Variants in SPOP observed in about 807,000 individuals in gnomAD.
The protein encoded by SPOP is speckle-type POZ protein.
Under a neutral mutation model 45.6 loss-of-function variants are expected in SPOP, and 11 were observed. That is an observed-to-expected ratio of 0.24 (90% CI 0.15 to 0.40). The LOEUF is 0.40. SPOP is among the 10% of genes least tolerant of loss of function. SPOP has a pLI of 1.00. For synonymous variants in SPOP, 166 were observed against 166.3 expected (o/e 1.00, Z 0.01); for missense variants, 152 against 465.6 (o/e 0.33, Z 6.20).
intron 1 of SPOP, among the ~76,000 whole-genome samples, chr17:49,663,489 T>C (rs1343902143): frequency 6.6e-6 from 1 of 152,240 alleles, no homozygotes; most frequent in Non-Finnish European, 1.5e-5. Context: ...ATCACACAGG[T>C]GACTTTAAAA....
chr17:49,608,953 G>C (rs571277095), intron 6 of SPOP, among the ~76,000 whole-genome samples: 1 of 151,332 alleles, frequency 6.6e-6, no homozygotes, highest in East Asian at 1.9e-4. Context: ...GCCTAGGCTA[G>C]AGTGGAGTGC....
intron 1 of SPOP, among the ~76,000 whole-genome samples, chr17:49,665,337 C>T (rs778450280): frequency 1.4e-4 from 22 of 151,918 alleles, no homozygotes; most frequent in East Asian, 3.9e-4. Flanking sequence ...ATTTGGGGCC[C>T]GGCGCAGTGG....
At chr17:49,654,116 T>C (rs1474038244) in intron 1 of SPOP, among the ~76,000 whole-genome samples, 1 of 152,200 alleles carries the variant, frequency 6.6e-6, no homozygotes, top group Non-Finnish European at 1.5e-5. Flanking sequence ...TGAAAGTGAA[T>C]TTAGTTCTTT....
rs149505298 is a variant in SPOP, at chr17:49,628,077, C to A, written c.-66-5201G>T. Among the ~76,000 whole-genome samples the A allele has an allele frequency of 9.7e-3, 1,481 of 152,314 alleles. 14 individuals are homozygous for A. Among genetic ancestry groups the A allele is most frequent in the African/African-American group, 0.014 (574 of 41,570 alleles). ...GAAAAAAATTTTAGAAAAGAGGAGACCTACCTGAGGGTTAGAGTTCGAGAA... is the reference window on the plus strand; with the variant it reads ...GAAAAAAATTTTAGAAAAGAGGAGAACTACCTGAGGGTTAGAGTTCGAGAA... On this transcript the variant is annotated intron_variant, in intron 1 of 9. Coordinates refer to ENST00000504102, the MANE Select transcript of SPOP (RefSeq NM_001007228.2).
chr17:49,640,296 ATAGAG>A (rs2072622988), intron 1 of SPOP, among the ~76,000 whole-genome samples: 1 of 152,112 alleles, frequency 6.6e-6, no homozygotes, highest in African/African-American at 2.4e-5. Context: ...AAATAACCTA[ATAGAG>A]TAGATGTCTA....
At chr17:49,646,615 A>G (rs2072763495) in intron 1 of SPOP, 1 of 152,042 alleles carries the variant, frequency 6.6e-6, no homozygotes, top group Non-Finnish European at 1.5e-5. Context: ...TTCCAGTTAA[A>G]TGCTTTAAGC....
chr17:49,653,371 C>G (rs1253966719), intron 1 of SPOP, among the ~76,000 whole-genome samples: 4 of 151,678 alleles, frequency 2.6e-5, no homozygotes, highest in African/African-American at 7.3e-5. Context: ...TCAAAACAAA[C>G]AAACAAACAA....
chr17:49,659,544 C>T (rs2072959435), intron 1 of SPOP, among the ~76,000 whole-genome samples: 1 of 152,182 alleles, frequency 6.6e-6, no homozygotes, highest in South Asian at 2.1e-4. Context: ...CTGACACTAT[C>T]CTGATTCAAA....
intron 1 of SPOP, among the ~76,000 whole-genome samples, chr17:49,674,040 G>C (rs902781648): frequency 6.6e-6 from 1 of 152,136 alleles, no homozygotes; most frequent in Non-Finnish European, 1.5e-5. Flanking sequence ...CAGCTACTCA[G>C]GAAGGCTGAG....
At chr17:49,615,513 T>A (rs1051951191) in intron 5 of SPOP, among the ~76,000 whole-genome samples, 2 of 152,106 alleles carry the variant, frequency 1.3e-5, no homozygotes, top group African/African-American at 2.4e-5. Flanking sequence ...TATTTATTTA[T>A]TTTTTAACAG....
At chr17:49,638,882 G>A (rs547889406) in intron 1 of SPOP, among the ~76,000 whole-genome samples, 216 of 152,230 alleles carry the variant, frequency 1.4e-3, no homozygotes, top group African/African-American at 5.0e-3. Flanking sequence ...GCGTGGTGAC[G>A]GGCGTTTATA....
chr17:49,607,271 A>C lies in SPOP; in HGVS notation c.816T>G (p.Asp272Glu). ...TTACCTTGTCAGCAGCTGCCAGCAA[A>C]TCATCAGCCATTTTGTCGAGGTTTG... ...KAPNLDKMAD[D>E]LLAAADKYAL... Residue 272 changes from aspartate to glutamate, a missense_variant, in exon 8 of 10, where the codon GAT becomes GAG. Transcript: ENST00000504102. 1 of 1,614,116 alleles carries C rather than the reference A, an allele frequency of 6.2e-7. No homozygotes were observed. The highest frequency in any genetic ancestry group is 8.5e-7 in the Non-Finnish European group (1 of 1,179,988).
rs548606819 is a variant in SPOP, at chr17:49,628,223, C to T, written c.-66-5347G>A. Among the ~76,000 whole-genome samples the T allele has an allele frequency of 1.6e-4, 24 of 152,310 alleles. No homozygotes were observed. The South Asian group carries it at 1.9e-3, about 12-fold the overall frequency. ...CCAAAGCTTACCAAACTTTCTAGTA[C>T]GCTCAAACTCTGAGGCTGAACATAT... is the stretch of plus-strand genomic sequence containing the variant. On this transcript the variant is annotated intron_variant, in intron 1 of 9. Transcript: ENST00000504102.
intron 1 of SPOP, among the ~76,000 whole-genome samples, chr17:49,626,412 A>C (rs1165590077): frequency 6.6e-6 from 1 of 152,164 alleles, no homozygotes; most frequent in Non-Finnish European, 1.5e-5. Flanking sequence ...AAGTAACAAC[A>C]GGCTGGGCAT....
At chr17:49,621,811 G>T in intron 3 of SPOP, 135 bp downstream of exon 3, 2 of 875,316 alleles carry the variant, frequency 2.3e-6, no homozygotes, top group Non-Finnish European at 3.5e-6. Context: ...ACTGTGCTAG[G>T]CACTGGGAAA....
At chr17:49,647,313 TAAAAAAAAAA>T (rs1156781114) in intron 1 of SPOP, among the ~76,000 whole-genome samples, 3 of 43,118 alleles carry the variant, frequency 7.0e-5, no homozygotes, top group South Asian at 1.0e-3. Flanking sequence ...GATGCCGTCT[TAAAAAAAAAA>T]AAAAAAAAAA....
At chr17:49,615,444 A>G (rs1353642871) in intron 5 of SPOP, among the ~76,000 whole-genome samples, 1 of 152,230 alleles carries the variant, frequency 6.6e-6, no homozygotes, top group African/African-American at 2.4e-5. Flanking sequence ...GGACCAAATT[A>G]TTAAAGAGAA....
At chr17:49,657,267 T>C (rs1161201464) in intron 1 of SPOP, among the ~76,000 whole-genome samples, 1 of 152,182 alleles carries the variant, frequency 6.6e-6, no homozygotes, top group Non-Finnish European at 1.5e-5. Context: ...TACATATTTT[T>C]TCAATTACAA....
At chr17:49,658,678 T>C (rs778371149) in intron 1 of SPOP, among the ~76,000 whole-genome samples, 1 of 152,172 alleles carries the variant, frequency 6.6e-6, no homozygotes, top group Non-Finnish European at 1.5e-5. Context: ...AGTCAAGTCA[T>C]ATTTCAAAGG....
Sources: allele counts gnomAD v4.1 joint callset (sites outside exome capture counted in the v4.1 genomes callset), GRCh38; gene constraint gnomAD v4.1.1; transcripts MANE v1.5; gene names NCBI Gene and HGNC (gene_info 2026-07-23, HGNC 2026-07-21).